The following SCNN1D variants were observed in gnomAD, a reference collection of about 807,000 sequenced individuals.
SCNN1D encodes the protein sodium channel epithelial 1 subunit delta, also known as epithelial sodium channel subunit delta.
Under a neutral mutation model 87.8 loss-of-function variants are expected in SCNN1D, and 104 were observed. That is an observed-to-expected ratio of 1.18 (90% confidence interval 1.01 to 1.39). The LOEUF is 1.39. Among genes scored for constraint, SCNN1D ranks in the 40% most tolerant of loss-of-function variants. The pLI is 0.00. For synonymous variants in SCNN1D, 628 were observed against 481.2 expected (o/e 1.31, Z -3.99); for missense variants, 1,324 against 1,093.9 (o/e 1.21, Z -2.97).
At chr1:1,283,142 G>T (rs1374207658) in intron 4 of SCNN1D, among the ~76,000 whole-genome samples, 2 of 152,224 alleles carry the variant, frequency 1.3e-5, no homozygotes, top group East Asian at 3.9e-4. Flanking sequence ...TCATCTTAGT[G>T]TGTGGTGTGG....
At chr1:1,283,223 C>T (rs1440067485) in intron 4 of SCNN1D, among the ~76,000 whole-genome samples, 1 of 152,176 alleles carries the variant, frequency 6.6e-6, no homozygotes. Context: ...GGTGCCTTCT[C>T]CACACCCAGA....
intron 1 of SCNN1D, chr1:1,280,922 A>C (rs577315467): frequency 2.2e-5 from 13 of 583,338 alleles, no homozygotes; most frequent in African/African-American, 1.5e-4. Flanking sequence ...GTGCCACCTT[A>C]GTGCCTGTTC....
chr1:1,282,383 G>A, intron 4 of SCNN1D, 68 bp downstream of exon 4: 5 of 1,524,286 alleles, frequency 3.3e-6, no homozygotes, highest in Non-Finnish European at 4.4e-6. Context: ...GGCTCCCCCA[G>A]CCAAGCCCAG....
Position 1,291,282 on chromosome 1 carries a change from G to A in SCNN1D, c.2081G>A (p.Ser694Asn). Residue 694 changes from serine (S) to asparagine (N), a missense_variant, in exon 18 of 18, where the codon AGC becomes AAC. Coordinates refer to ENST00000379116, the MANE Select transcript of SCNN1D (RefSeq NM_001130413.4). ...CCGCAGCTGCTCTCGGCCATGGGCA[G>A]CCTCTGCAGCCTGTGGTTTGGGGCC... ...SVPQLLSAMG[S>N]LCSLWFGASV... 1 of 1,565,044 alleles carries A rather than the reference G, an allele frequency of 6.4e-7. No individual in the cohort carries two copies. The highest frequency in any genetic ancestry group is 8.6e-7 in the Non-Finnish European group (1 of 1,157,706).
rs1640607076 is a variant in SCNN1D at position 1,286,980 on chromosome 1, G to C, written c.1119+5G>C. On this transcript the variant is annotated splice_donor_5th_base_variant and intron_variant, in intron 8 of 17. Coordinates refer to ENST00000379116, the MANE Select transcript of SCNN1D (RefSeq NM_001130413.4). ...GTCAGAGTGGGGTTCAGACTGGTGA[G>C]TGTCCCAGCCGGGGCCTGCAGCCAT... The C allele has an allele frequency of 6.2e-7, 1 of 1,610,032 alleles. No individual in the cohort carries two copies. The highest frequency in any genetic ancestry group is 8.5e-7 in the Non-Finnish European group (1 of 1,178,262).
In SCNN1D at chr1:1,291,337, G is replaced by T; in HGVS notation, c.2136G>T (p.Glu712Asp). The part of the protein sequence containing the change: ...ASVLSLLELL[E>D]LLLDASALTL... The stretch of plus-strand genomic sequence containing the variant: ...TCCTCTCCCTCCTGGAGCTCCTGGA[G>T]CTGCTGCTCGATGCTTCTGCCCTCA... The change falls in exon 18 of 18, where the codon GAG becomes GAT. Residue 712 changes from glutamate to aspartate, a missense_variant. By Grantham distance (45) the Glu-to-Asp change is conservative (BLOSUM62 2). Transcript: ENST00000379116. 1 of 1,604,246 alleles carries T rather than the reference G, an allele frequency of 6.2e-7. No homozygotes were observed. The highest frequency in any genetic ancestry group is 8.5e-7 in the Non-Finnish European group (1 of 1,176,692).
At chr1:1,285,685 T>TAGA in intron 6 of SCNN1D, 21 bp downstream of exon 6, 3 of 1,504,772 alleles carry the variant, frequency 2.0e-6, no homozygotes, top group Non-Finnish European at 2.7e-6. Context: ...AGCACCCTGT[T>TAGA]CTCTGAGTCC....
In SCNN1D at chr1:1,285,386, G is replaced by A. The variant is rs554155802; in HGVS notation, c.465-185G>A. Among the ~76,000 whole-genome samples, 26 of 152,310 alleles carry A rather than the reference G, an allele frequency of 1.7e-4. 1 individual carries two copies. The highest frequency in any genetic ancestry group is 1.4e-3 in the Admixed American group (21 of 15,300). ...TGGGGCCACCCCGAGCCACAGTGCC[G>A]AGCGGTGTCCAGGCCAGACGCTTCC... On this transcript the variant is annotated intron_variant, in intron 5 of 17. Transcript: ENST00000379116.
chr1:1,282,663 C>T (rs2100310151), intron 4 of SCNN1D, among the ~76,000 whole-genome samples: 1 of 151,564 alleles, frequency 6.6e-6, no homozygotes, highest in East Asian at 1.9e-4. Context: ...CGTGTGTGGT[C>T]TTAGTGTGTG....
rs2100303363 is a variant in SCNN1D, at chr1:1,280,478, A to T, written c.-184A>T. ...CTCCATCTCAATAAATAAAAAAAAA[A>T]AAGAGTTGTTATCAGTAGAAGGGAA... On this transcript the variant is annotated 5_prime_UTR_variant, in exon 1 of 18. Coordinates refer to ENST00000379116, the MANE Select transcript of SCNN1D (RefSeq NM_001130413.4). 2.0e-6 allele frequency: 1 copy of T among 491,194 alleles called. No individual in the cohort carries two copies. Among genetic ancestry groups the T allele is most frequent in the African/African-American group, 2.0e-5 (1 of 51,004 alleles). 30.4% of individuals were successfully genotyped at this position (491,194 alleles called of 1,614,324 possible). A position where few individuals can be genotyped will look rare whatever the true frequency, so the allele number is the denominator to read the frequency against.
Position 1,291,486 on chromosome 1 carries a change from CG to C in SCNN1D, c.2286del (p.Ser763GlnfsTer14), listed in dbSNP as rs1557588610. ...CAGATGCCCCCGCCTGCAGGCGGCA[CG>C]TCAGATGACCCGGAGCCCAGCGGGC... is the stretch of plus-strand genomic sequence containing the variant. ...ASQMPPPAGG[T>X]SDDPEPSGPH... On this transcript the variant is annotated frameshift_variant, in exon 18 of 18. Coordinates refer to ENST00000379116, the MANE Select transcript of SCNN1D (RefSeq NM_001130413.4). LOFTEE classifies it low-confidence loss of function (END_TRUNC). The C allele has an allele frequency of 1.2e-6, 2 of 1,609,314 alleles. No individual in the cohort carries two copies. The highest frequency in any genetic ancestry group is 1.7e-6 in the Non-Finnish European group (2 of 1,177,834).
At position 1,285,567 on chromosome 1, in the gene SCNN1D, G is replaced by A; in HGVS notation, c.465-4G>A. 2 of 1,522,062 alleles carry A rather than the reference G, an allele frequency of 1.3e-6. No individual in the cohort carries two copies. The highest frequency in any genetic ancestry group is 2.2e-5 in the Admixed American group (1 of 45,738). 94.3% of individuals were successfully genotyped at this position (1,522,062 alleles called of 1,614,324 possible). On this transcript the variant is annotated splice_region_variant and splice_polypyrimidine_tract_variant and intron_variant, in intron 5 of 17. Coordinates refer to ENST00000379116, the MANE Select transcript of SCNN1D (RefSeq NM_001130413.4). The stretch of plus-strand genomic sequence containing the variant: ...GACACGCTACCGTACTTGCCTTTGG[G>A]TAGATCGCCTGGGCCTGTGGCTCCC...
Position 1,286,197 on chromosome 1 carries a change from G to A in SCNN1D, c.830G>A (p.Arg277His), listed in dbSNP as rs781261961. The change falls in exon 7 of 18, where the codon CGC becomes CAC. Residue 277 changes from arginine to histidine, a missense_variant. Arg to His is a conservative substitution (Grantham distance 29). Transcript: ENST00000379116. ...LGLLFERHWH[R>H]PVLMAVSVHS... ...CTCCTCTTTGAGCGTCACTGGCACC[G>A]CCCGGTCCTCATGGCCGTCTCTGTG... is the stretch of plus-strand genomic sequence containing the variant. 1.7e-5 allele frequency: 27 copies of A among 1,601,298 alleles called. No homozygotes were observed. Among genetic ancestry groups the A allele is most frequent in the Non-Finnish European group, 2.2e-5 (26 of 1,177,796 alleles).
intron 12 of SCNN1D, among the ~76,000 whole-genome samples, chr1:1,288,679 C>T (rs1217834314): frequency 1.4e-5 from 1 of 71,406 alleles, no homozygotes; most frequent in Non-Finnish European, 2.6e-5. Flanking sequence ...GTCTCTGCTC[C>T]GTCCCGTGTC....
chr1:1,287,476 A>G (rs767086240), intron 9 of SCNN1D, 32 bp from the exon 10 acceptor site: 2 of 1,513,108 alleles, frequency 1.3e-6, no homozygotes, highest in South Asian at 1.3e-5. Context: ...GGCAGCCGAC[A>G]TTCAAGGTCT....
Position 1,280,584 on chromosome 1 carries a change from C to G in SCNN1D, c.-78C>G, listed in dbSNP as rs1391100954. The G allele has an allele frequency of 1.5e-6, 1 of 681,614 alleles. No individual in the cohort carries two copies. The highest frequency in any genetic ancestry group is 2.0e-5 in the Admixed American group (1 of 49,578). The allele number at this position is 681,614 out of a possible 1,614,324, so 42.2% of individuals were successfully genotyped here. A position where few individuals can be genotyped will look rare whatever the true frequency, so the allele number is the denominator to read the frequency against. ...CCAGGTCACAAGCCTCAGAGAGAAT[C>G]AACTATAAATGCTTCTCATCAGACT... On this transcript the variant is annotated 5_prime_UTR_variant, in exon 1 of 18. In the 5' UTR this introduces an upstream ATG that the reference lacks. Coordinates refer to ENST00000379116, the MANE Select transcript of SCNN1D (RefSeq NM_001130413.4).
At chr1:1,288,204 T>TGTGTCCCTGCTCCGTCCC (rs1640653434) in intron 12 of SCNN1D, among the ~76,000 whole-genome samples, 167 bp downstream of exon 12, 2 of 140,086 alleles carry the variant, frequency 1.4e-5, no homozygotes, top group Non-Finnish European at 3.1e-5. Flanking sequence ...CTCCATTCCC[T>TGTGTCCCTGCTCCGTCCC]GTGTCTCTGC....
intron 1 of SCNN1D, chr1:1,280,941 C>A (rs576300482): frequency 3.4e-6 from 2 of 580,944 alleles, no homozygotes; most frequent in South Asian, 2.2e-5. Context: ...TCTGCGGAGG[C>A]TCCACTGGAC....
In SCNN1D at chr1:1,291,338, C is replaced by G; in HGVS notation, c.2137C>G (p.Leu713Val). Residue 713 changes from leucine to valine, a missense_variant, in exon 18 of 18, where the codon CTG becomes GTG. By Grantham distance (32) the Leu-to-Val change is conservative. Coordinates refer to ENST00000379116, the MANE Select transcript of SCNN1D (RefSeq NM_001130413.4). ...CCTCTCCCTCCTGGAGCTCCTGGAG[C>G]TGCTGCTCGATGCTTCTGCCCTCAC... is the stretch of plus-strand genomic sequence containing the variant. The part of the protein sequence containing the change: ...SVLSLLELLE[L>V]LLDASALTLV... 6.2e-7 allele frequency: 1 copy of G among 1,604,480 alleles called. No individual in the cohort carries two copies. The highest frequency in any genetic ancestry group is 8.5e-7 in the Non-Finnish European group (1 of 1,176,770).
Sources: gnomAD v4.1 joint callset for allele counts (sites outside exome capture counted in the v4.1 genomes callset) on GRCh38, gnomAD v4.1.1 for gene constraint, MANE v1.5 for transcripts, NCBI Gene and HGNC (gene_info 2026-07-23, HGNC 2026-07-21) for gene names.